The following PTPRC variants were observed in gnomAD, a reference collection of about 807,000 sequenced individuals.
The protein encoded by PTPRC is receptor-type tyrosine-protein phosphatase C.
PTPRC carries 44 observed loss-of-function variants against 155.9 expected under a neutral mutation model. The ratio of observed to expected loss-of-function variants is 0.28; its 90% CI spans 0.22 to 0.36. The LOEUF is 0.36. PTPRC is among the 10% of genes least tolerant of loss of function. PTPRC has a pLI of 1.00. For missense variants in PTPRC, 1,401 were observed against 1,564.6 expected (o/e 0.90, Z 1.76); for synonymous variants, 525 against 533.1 (o/e 0.98, Z 0.21).
intron 10 of PTPRC, among the ~76,000 whole-genome samples, chr1:198,708,614 A>G (rs1653124514): frequency 1.3e-5 from 2 of 152,348 alleles, no homozygotes; most frequent in African/African-American, 2.4e-5. Context: ...ATGATAATAC[A>G]CAAACTCTGT....
intron 2 of PTPRC, chr1:198,679,919 T>G: frequency 1.6e-6 from 1 of 610,042 alleles, no homozygotes; most frequent in Non-Finnish European, 2.9e-6. Context: ...TAGGTGGGCG[T>G]CAGCACTTTG....
chr1:198,749,947 T>C (rs1051227950), intron 28 of PTPRC, among the ~76,000 whole-genome samples: 1 of 151,876 alleles, frequency 6.6e-6, no homozygotes. Flanking sequence ...ACTGAATTAT[T>C]AGGTGAGTCT....
intron 15 of PTPRC, among the ~76,000 whole-genome samples, chr1:198,724,722 A>G (rs1476802600): frequency 6.6e-6 from 1 of 150,526 alleles, no homozygotes; most frequent in Non-Finnish European, 1.5e-5. Context: ...TCTGTTCCCA[A>G]GTTTTCCTCC....
intron 2 of PTPRC, among the ~76,000 whole-genome samples, chr1:198,687,384 T>G (rs1025203870): frequency 6.6e-6 from 1 of 152,182 alleles, no homozygotes; most frequent in Non-Finnish European, 1.5e-5. Flanking sequence ...TTTGCACATA[T>G]GAAGTGCAAC....
chr1:198,642,304 G>A (rs888726070), intron 2 of PTPRC, among the ~76,000 whole-genome samples: 4 of 151,750 alleles, frequency 2.6e-5, no homozygotes, highest in Non-Finnish European at 5.9e-5. Flanking sequence ...ATTTCTTTAT[G>A]TAGATACTCA....
In PTPRC at chr1:198,752,350, C is replaced by A. The variant is rs747156489; in HGVS notation, c.3309C>A (p.Val1103=). ...AATCTTCAACTTATACCCTTCGTGT[C>A]TTTGAACTGAGACATTCCAAGGTAT... The part of the protein sequence containing the change: ...TDKSSTYTLR[V]FELRHSKRKD... Residue 1103 remains valine (V), a synonymous_variant, in exon 30 of 33, where the codon GTC becomes GTA. Transcript: ENST00000442510. 1 of 1,612,626 alleles carries A rather than the reference C, an allele frequency of 6.2e-7. No individual in the cohort carries two copies. Among genetic ancestry groups the A allele is most frequent in the Admixed American group, 1.7e-5 (1 of 59,854 alleles).
rs746025821 is a variant in PTPRC at position 198,755,889 on chromosome 1, C to CTTAA, written c.3646-14_3646-11dup. On this transcript the variant is annotated splice_polypyrimidine_tract_variant and intron_variant, in intron 32 of 32. Coordinates refer to ENST00000442510, the MANE Select transcript of PTPRC (RefSeq NM_002838.5). ...TCAACTTTCTTCATGTAATTTCCCACTTAATTCCTTTACTAGGAGCAATAT... is the reference window on the plus strand; with the variant it reads ...TCAACTTTCTTCATGTAATTTCCCACTTAATTAATTCCTTTACTAGGAGCAATAT... 6.3e-6 allele frequency: 10 copies of CTTAA among 1,599,838 alleles called. No individual in the cohort carries two copies. The African/African-American group carries it at 6.7e-5, about 11-fold the overall frequency.
intron 17 of PTPRC, among the ~76,000 whole-genome samples, chr1:198,729,463 G>C (rs1188844921): frequency 6.6e-6 from 1 of 152,082 alleles, no homozygotes; most frequent in Non-Finnish European, 1.5e-5. Context: ...AGCTGGTCTT[G>C]AACTGCTGGT....
At chr1:198,754,164 T>G (rs1655513996) in intron 31 of PTPRC, 105 bp from the exon 32 acceptor site, 7 of 1,361,014 alleles carry the variant, frequency 5.1e-6, no homozygotes, top group Non-Finnish European at 3.1e-6. Flanking sequence ...ATAATTATGA[T>G]AAACATGAAG....
intron 14 of PTPRC, among the ~76,000 whole-genome samples, chr1:198,719,038 T>A (rs1048060870): frequency 1.3e-5 from 2 of 152,138 alleles, no homozygotes; most frequent in African/African-American, 4.8e-5. Context: ...GATAACACAC[T>A]TATTGGTAAA....
intron 7 of PTPRC, 100 bp from the exon 8 acceptor site, chr1:198,704,372 T>C: frequency 6.3e-7 from 1 of 1,576,766 alleles, no homozygotes; most frequent in Non-Finnish European, 8.7e-7. Flanking sequence ...TAGATAGACT[T>C]TATGAAGTAG....
intron 2 of PTPRC, among the ~76,000 whole-genome samples, chr1:198,688,334 G>C (rs1665744462): frequency 6.6e-6 from 1 of 151,962 alleles, no homozygotes; most frequent in South Asian, 2.1e-4. Flanking sequence ...TGTTTTCCAG[G>C]ATATTAAATT....
chr1:198,695,381 A>AT (rs550902631), intron 3 of PTPRC, among the ~76,000 whole-genome samples: 11,930 of 140,846 alleles, frequency 0.085, 503 homozygotes, highest in Non-Finnish European at 0.097. Flanking sequence ...AAATATTTAA[A>AT]TTTTTTTTTT....
chr1:198,691,463 C>T lies in PTPRC; in HGVS notation c.74-884C>T, dbSNP rs114751655. Reference sequence around the variant, plus strand: ...CTTGAGTGTTTCATAGGTCCTTTTCCCCCAACCTTTCTTTTGGGGTATACT... The same window carrying T: ...CTTGAGTGTTTCATAGGTCCTTTTCTCCCAACCTTTCTTTTGGGGTATACT... On this transcript the variant is annotated intron_variant, in intron 2 of 32. Transcript: ENST00000442510. Among the ~76,000 whole-genome samples the T allele has an allele frequency of 2.2e-3, 334 of 152,044 alleles. 1 individual carries two copies. Among genetic ancestry groups the T allele is most frequent in the Admixed American group, 3.5e-3 (53 of 15,266 alleles).
At position 198,699,066 on chromosome 1, in the gene PTPRC, T is replaced by G. The variant is rs1666341282; in HGVS notation, c.299-498T>G. ...TAGAAATATTTCATGTTGATTTACA[T>G]TTAAAAAATTGTTCTTAACACTGAA... On this transcript the variant is annotated intron_variant, in intron 4 of 32. Coordinates refer to ENST00000442510, the MANE Select transcript of PTPRC (RefSeq NM_002838.5). 1.3e-5 allele frequency among the ~76,000 whole-genome samples: 2 copies of G among 152,248 alleles called. 1 individual carries two copies. Among genetic ancestry groups the G allele is most frequent in the South Asian group, 4.1e-4 (2 of 4,836 alleles).
At chr1:198,740,267 ATGT>A (rs1355212597) in intron 23 of PTPRC, among the ~76,000 whole-genome samples, 4 of 152,018 alleles carry the variant, frequency 2.6e-5, no homozygotes, top group Non-Finnish European at 4.4e-5. Context: ...ATGAAATAAA[ATGT>A]TGTTTTTAAA....
chr1:198,697,161 G>A (rs1479041410), intron 4 of PTPRC, among the ~76,000 whole-genome samples: 1 of 152,116 alleles, frequency 6.6e-6, no homozygotes, highest in Admixed American at 6.5e-5. Flanking sequence ...GGGGAAATTT[G>A]TTCTAGTATC....
At chr1:198,721,787 T>A (rs1653900065) in intron 14 of PTPRC, among the ~76,000 whole-genome samples, 2 of 151,594 alleles carry the variant, frequency 1.3e-5, no homozygotes, top group Admixed American at 6.6e-5. Context: ...ATTTGTCAGA[T>A]TTATTATATT....
chr1:198,754,161 T>G, intron 31 of PTPRC, 108 bp from the exon 32 acceptor site: 1 of 1,325,812 alleles, frequency 7.5e-7, no homozygotes, highest in Non-Finnish European at 1.1e-6. Flanking sequence ...AAGATAATTA[T>G]GATAAACATG....
Sources: allele counts gnomAD v4.1 joint callset (sites outside exome capture counted in the v4.1 genomes callset), GRCh38; gene constraint gnomAD v4.1.1; transcripts MANE v1.5; gene names NCBI Gene and HGNC (gene_info 2026-07-23, HGNC 2026-07-21).